The following SUPT4H1 variants were observed in gnomAD, a reference collection of about 807,000 sequenced individuals.
SUPT4H1 encodes transcription elongation factor SPT4.
In SUPT4H1, 12 loss-of-function variants were observed where a neutral mutation model predicts 19.4. The ratio of observed to expected loss-of-function variants is 0.62; its 90% CI spans 0.40 to 1.00. SUPT4H1 has a LOEUF of 1.00. Among genes scored for constraint, SUPT4H1 ranks in the 50% least tolerant of loss-of-function variants. The probability of loss-of-function intolerance (pLI) is 0.00; values close to 1 mark genes in which losing one functional copy is unlikely to be tolerated. For missense variants in SUPT4H1, 115 were observed against 149.2 expected (o/e 0.77, Z 1.19); for synonymous variants, 58 against 56.3 (o/e 1.03, Z -0.14).
At position 58,347,569 on chromosome 17, in the gene SUPT4H1, C is replaced by T; in HGVS notation, c.192G>A (p.Met64Ile). 1 of 1,614,180 alleles carries T rather than the reference C, an allele frequency of 6.2e-7. No homozygotes were observed. Among genetic ancestry groups the T allele is most frequent in the Admixed American group, 1.7e-5 (1 of 60,020 alleles). The change falls in exon 3 of 5, where the codon ATG (methionine) becomes ATA (isoleucine). Residue 64 changes from methionine (M) to isoleucine (I), a missense_variant. Coordinates refer to ENST00000225504, the MANE Select transcript of SUPT4H1 (RefSeq NM_003168.3). Reference protein sequence around the residue: ...SSSFDGIIAMMSPEDSWVSKW... With the variant: ...SSSFDGIIAMISPEDSWVSKW... ...TGGAGACCCAGCTGTCCTCTGGACTCATCATCGCAATGATTCTAGGGAGGG... is the reference window on the plus strand; with the variant it reads ...TGGAGACCCAGCTGTCCTCTGGACTTATCATCGCAATGATTCTAGGGAGGG...
In SUPT4H1 at chr17:58,347,198, G is replaced by A. The variant is rs1160996054; in HGVS notation, c.276C>T (p.Arg92=). Residue 92 remains arginine (R), a synonymous_variant, in exon 4 of 5, where the codon CGC becomes CGT. Coordinates refer to ENST00000225504, the MANE Select transcript of SUPT4H1 (RefSeq NM_003168.3). ...TATGATTATTATTACCTTGGGGCAG[G>A]CGACCAGTGACTGACACCGCATATA... ...PGVYAVSVTG[R]LPQGIVRELK... The A allele has an allele frequency of 5.0e-6, 8 of 1,614,064 alleles. No individual in the cohort carries two copies. Among genetic ancestry groups the A allele is most frequent in the Non-Finnish European group, 6.8e-6 (8 of 1,179,968 alleles).
chr17:58,351,615 A>G (rs1258974583), intron 1 of SUPT4H1, 107 bp from the exon 2 acceptor site: 2 of 773,764 alleles, frequency 2.6e-6, no homozygotes, highest in Admixed American at 4.2e-5. Flanking sequence ...TTGTTTCCCT[A>G]TGTTGACTGT....
intron 1 of SUPT4H1, chr17:58,351,860 G>A (rs1972537497): frequency 1.7e-6 from 1 of 599,960 alleles, no homozygotes; most frequent in Admixed American, 3.0e-5. Flanking sequence ...AGGATTCAAA[G>A]GCATGTAAGA....
rs1412685119 is a variant in SUPT4H1 at position 58,351,394 on chromosome 17, C to G, written c.176+8G>C. 6.3e-7 allele frequency: 1 copy of G among 1,593,558 alleles called. No homozygotes were observed. The highest frequency in any genetic ancestry group is 8.6e-7 in the Non-Finnish European group (1 of 1,162,876). On this transcript the variant is annotated splice_region_variant and intron_variant, in intron 2 of 4. Coordinates refer to ENST00000225504, the MANE Select transcript of SUPT4H1 (RefSeq NM_003168.3). Reference sequence around the variant, plus strand: ...CAGAAGTGAATGATGGAAACTGAAGCGGCTTACCCATCAAAGGAAGAGCTA... The same window carrying G: ...CAGAAGTGAATGATGGAAACTGAAGGGGCTTACCCATCAAAGGAAGAGCTA...
At chr17:58,348,017 T>C (rs907703344) in intron 2 of SUPT4H1, among the ~76,000 whole-genome samples, 9 of 152,174 alleles carry the variant, frequency 5.9e-5, no homozygotes, top group African/African-American at 1.2e-4. Context: ...GACCTATACA[T>C]ATGGGGACCC....
At chr17:58,346,490 C>A in intron 4 of SUPT4H1, 177 bp from the exon 5 acceptor site, 1 of 589,394 alleles carries the variant, frequency 1.7e-6, no homozygotes, top group South Asian at 1.9e-5. Flanking sequence ...TTTGGGAGGT[C>A]AAGGTGGATC....
rs1360328319 is a variant in SUPT4H1, at chr17:58,346,152, G to A, written c.*94C>T. On this transcript the variant is annotated 3_prime_UTR_variant, in exon 5 of 5. Transcript: ENST00000225504. Reference sequence around the variant, plus strand: ...TCAGCTGAGTCTGAATTGGAGGGTAGGAAGTATTTGAAGTTCTGTTCATTT... The same window carrying A: ...TCAGCTGAGTCTGAATTGGAGGGTAAGAAGTATTTGAAGTTCTGTTCATTT... 4 of 988,476 alleles carry A rather than the reference G, an allele frequency of 4.0e-6. No individual in the cohort carries two copies. In the African/African-American group the frequency reaches 6.4e-5, roughly 16 times the overall value. 61.2% of individuals were successfully genotyped at this position (988,476 alleles called of 1,614,324 possible). A position where few individuals can be genotyped will look rare whatever the true frequency, so the allele number is the denominator to read the frequency against.
intron 4 of SUPT4H1, 33 bp downstream of exon 4, chr17:58,347,155 T>C (rs1217258269): frequency 6.3e-7 from 1 of 1,599,760 alleles, no homozygotes; most frequent in South Asian, 1.1e-5. Flanking sequence ...AGCTTTACAG[T>C]AAATGAACAT....
Position 58,352,139 on chromosome 17 carries a change from C to G in SUPT4H1, c.-4G>C. On this transcript the variant is annotated 5_prime_UTR_variant, in exon 1 of 5. Coordinates refer to ENST00000225504, the MANE Select transcript of SUPT4H1 (RefSeq NM_003168.3). Reference sequence around the variant, plus strand: ...TCGGCACCGTCTCCAGGGCCATCTTCGCCGATGGGAAGAACAACAGGGAGA... The same window carrying G: ...TCGGCACCGTCTCCAGGGCCATCTTGGCCGATGGGAAGAACAACAGGGAGA... The G allele has an allele frequency of 6.2e-7, 1 of 1,614,180 alleles. No individual in the cohort carries two copies. Among genetic ancestry groups the G allele is most frequent in the Non-Finnish European group, 8.5e-7 (1 of 1,180,010 alleles).
At chr17:58,346,564 A>T (rs548957378) in intron 4 of SUPT4H1, among the ~76,000 whole-genome samples, 78 of 152,066 alleles carry the variant, frequency 5.1e-4, no homozygotes, top group African/African-American at 1.4e-3. Flanking sequence ...CTACAAAAAA[A>T]TTTTAAAAAT....
intron 2 of SUPT4H1, 70 bp downstream of exon 2, chr17:58,351,332 C>A (rs1198541386): frequency 6.6e-6 from 7 of 1,060,064 alleles, no homozygotes; most frequent in Non-Finnish European, 1.0e-5. Context: ...TTAACACTTG[C>A]CCTGCATTTA....
chr17:58,346,694 G>A (rs2143291815), intron 4 of SUPT4H1, among the ~76,000 whole-genome samples: 1 of 134,898 alleles, frequency 7.4e-6, no homozygotes, highest in Admixed American at 8.4e-5. Flanking sequence ...CTATACTTCA[G>A]CCTGGGTGAC....
At chr17:58,352,000 C>T (rs549962662) in intron 1 of SUPT4H1, 67 bp downstream of exon 1, 3 of 1,541,814 alleles carry the variant, frequency 1.9e-6, no homozygotes, top group Admixed American at 3.4e-5. Flanking sequence ...GTCCCACAGC[C>T]CCATTCCGCC....
chr17:58,347,079 C>A, intron 4 of SUPT4H1, 109 bp downstream of exon 4: 1 of 1,095,770 alleles, frequency 9.1e-7, no homozygotes, highest in Non-Finnish European at 1.4e-6. Flanking sequence ...TTCCCCCCAT[C>A]TGTAAAATGC....
In SUPT4H1 at chr17:58,352,161, G is replaced by A. The variant is rs780121403; in HGVS notation, c.-26C>T. On this transcript the variant is annotated 5_prime_UTR_variant, in exon 1 of 5. Coordinates refer to ENST00000225504, the MANE Select transcript of SUPT4H1 (RefSeq NM_003168.3). ...CTTCGCCGATGGGAAGAACAACAGGGAGATAGACGACCACAGCCTGTGCAC... is the reference window on the plus strand; with the variant it reads ...CTTCGCCGATGGGAAGAACAACAGGAAGATAGACGACCACAGCCTGTGCAC... 7 of 1,612,312 alleles carry A rather than the reference G, an allele frequency of 4.3e-6. No individual in the cohort carries two copies. Among genetic ancestry groups the A allele is most frequent in the South Asian group, 2.2e-5 (2 of 91,036 alleles).
chr17:58,350,833 G>GT (rs1972482077), intron 2 of SUPT4H1, among the ~76,000 whole-genome samples: 2 of 64,394 alleles, frequency 3.1e-5, no homozygotes, highest in South Asian at 1.0e-3. Context: ...CGAAAAGTCT[G>GT]TCCAAAAAAA....
At position 58,350,533 on chromosome 17, in the gene SUPT4H1, A is replaced by G. The variant is rs569519227; in HGVS notation, c.176+869T>C. On this transcript the variant is annotated intron_variant, in intron 2 of 4. Transcript: ENST00000225504. ...CTCAAATAAATAAATAAATAAATAA[A>G]TAAGTAAAATGGCTAAAATGGGCCG... Among the ~76,000 whole-genome samples the G allele has an allele frequency of 1.2e-3, 178 of 151,052 alleles. 1 individual carries two copies. The highest frequency in any genetic ancestry group is 3.9e-3 in the African/African-American group (160 of 41,142).
In SUPT4H1 at chr17:58,352,095, C is replaced by G; in HGVS notation, c.41G>C (p.Arg14Pro). The G allele has an allele frequency of 6.2e-7, 1 of 1,614,190 alleles. No homozygotes were observed. The highest frequency in any genetic ancestry group is 8.5e-7 in the Non-Finnish European group (1 of 1,180,028). The change falls in exon 1 of 5, where the codon CGG becomes CCG. Residue 14 changes from arginine (R) to proline (P), a missense_variant. Coordinates refer to ENST00000225504, the MANE Select transcript of SUPT4H1 (RefSeq NM_003168.3). ...GACCAGCGAACACAGCAAACAGGCC[C>G]GCAGATGCCGCAGGTCCTTCGGCAC... The part of the protein sequence containing the change: ...ETVPKDLRHL[R>P]ACLLCSLVKT...
At position 58,346,141 on chromosome 17, in the gene SUPT4H1, AT is replaced by A; in HGVS notation, c.*104del. 1.1e-6 allele frequency: 1 copy of A among 903,688 alleles called. No individual in the cohort carries two copies. Among genetic ancestry groups the A allele is most frequent in the Non-Finnish European group, 1.8e-6 (1 of 546,460 alleles). The allele number at this position is 903,688 out of a possible 1,614,324, so 56.0% of individuals were successfully genotyped here. A position where few individuals can be genotyped will look rare whatever the true frequency, so the allele number is the denominator to read the frequency against. ...TCTCTCAACAGTCAGCTGAGTCTGA[AT>A]TGGAGGGTAGGAAGTATTTGAAGTT... On this transcript the variant is annotated 3_prime_UTR_variant, in exon 5 of 5. Transcript: ENST00000225504.
Sources: gnomAD v4.1 joint callset for allele counts (sites outside exome capture counted in the v4.1 genomes callset) on GRCh38, gnomAD v4.1.1 for gene constraint, MANE v1.5 for transcripts, NCBI Gene and HGNC (gene_info 2026-07-23, HGNC 2026-07-21) for gene names.